P2RY8: variants seen among roughly 807,000 people sequenced by gnomAD.
The protein encoded by P2RY8 is S-geranylgeranyl-glutathione receptor P2RY8.
A neutral mutation model predicts 10.0 loss-of-function variants in P2RY8; 6 were observed. That is an observed-to-expected ratio of 0.60 (90% confidence interval 0.33 to 1.19). The LOEUF is 1.19. P2RY8 is among the 50% of genes most tolerant of loss of function. The pLI, the probability that P2RY8 is intolerant of heterozygous loss-of-function variation, is 0.04. For synonymous variants in P2RY8, 276 were observed against 252.5 expected (o/e 1.09, Z -0.88); for missense variants, 456 against 542.0 (o/e 0.84, Z 1.58).
At position 1,465,731 on chromosome X, in the gene P2RY8, C is replaced by G; in HGVS notation, c.828G>C (p.Lys276Asn). Residue 276 changes from lysine (K) to asparagine (N), a missense_variant, in exon 2 of 2, where the codon AAG becomes AAC. Transcript: ENST00000381297. ...FYGKSYYHVY[K>N]LTLCLSCLNN... ...TGAGGCAGCTGAGACACAGCGTGAGCTTGTACACGTGGTAGTAGCTCTTGC... is the reference window on the plus strand; with the variant it reads ...TGAGGCAGCTGAGACACAGCGTGAGGTTGTACACGTGGTAGTAGCTCTTGC... 6.2e-7 allele frequency: 1 copy of G among 1,613,736 alleles called. No homozygotes were observed. Among genetic ancestry groups the G allele is most frequent in the Non-Finnish European group, 8.5e-7 (1 of 1,179,848 alleles).
intron 1 of P2RY8, among the ~76,000 whole-genome samples, chrX:1,509,205 A>G (rs1316552452): frequency 2.1e-5 from 3 of 145,890 alleles, no homozygotes; most frequent in African/African-American, 5.3e-5. Context: ...CTATGTATCT[A>G]CCTATCTAGC....
intron 1 of P2RY8, among the ~76,000 whole-genome samples, chrX:1,536,706 A>T (rs1348184043): frequency 5.9e-5 from 9 of 152,092 alleles, no homozygotes; most frequent in Non-Finnish European, 1.2e-4. Context: ...GCCCTGGAAA[A>T]TTTGAGCATT....
chrX:1,503,528 G>A lies in P2RY8; in HGVS notation c.-25+33393C>T, dbSNP rs745526732. On this transcript the variant is annotated intron_variant, in intron 1 of 1. Coordinates refer to ENST00000381297, the MANE Select transcript of P2RY8 (RefSeq NM_178129.5). ...GTCATCCCAGCACTTCGGGAGGCCA[G>A]GGCGAGCAGATCACCTGAGGTCAGG... Among the ~76,000 whole-genome samples the A allele has an allele frequency of 1.1e-4, 16 of 152,132 alleles. No individual in the cohort carries two copies. In the South Asian group the frequency reaches 3.3e-3, roughly 32 times the overall value.
intron 1 of P2RY8, among the ~76,000 whole-genome samples, chrX:1,505,571 C>T (rs1409805576): frequency 2.0e-5 from 3 of 152,162 alleles, no homozygotes; most frequent in African/African-American, 7.2e-5. Context: ...GGGTCGATCA[C>T]CTGAGGTCAG....
chrX:1,481,392 G>A (rs1246942612), intron 1 of P2RY8, among the ~76,000 whole-genome samples: 1 of 152,090 alleles, frequency 6.6e-6, no homozygotes, highest in Non-Finnish European at 1.5e-5. Context: ...TTGAACTCCC[G>A]ACCTCAGGTG....
At chrX:1,501,718 C>T (rs1344143894) in intron 1 of P2RY8, among the ~76,000 whole-genome samples, 3 of 151,246 alleles carry the variant, frequency 2.0e-5, no homozygotes, top group African/African-American at 2.4e-5. Context: ...CTCAGCCTCC[C>T]GAGTAGCTGG....
In P2RY8 at chrX:1,466,286, G is replaced by A. The variant is rs1190393780; in HGVS notation, c.273C>T (p.Phe91=). ...TCACCACGTTGCAAAGCAGCACCCCGAATACCCAGTGGTGGCGGTTGCAAT... is the reference window on the plus strand; with the variant it reads ...TCACCACGTTGCAAAGCAGCACCCCAAATACCCAGTGGTGGCGGTTGCAAT... ...YYHCNRHHWV[F]GVLLCNVVTV... is the part of the protein sequence containing the mutation. The change falls in exon 2 of 2, where the codon TTC becomes TTT. Residue 91 remains phenylalanine, a synonymous_variant. Coordinates refer to ENST00000381297, the MANE Select transcript of P2RY8 (RefSeq NM_178129.5). 10 of 1,613,752 alleles carry A rather than the reference G, an allele frequency of 6.2e-6. No individual in the cohort carries two copies. Among genetic ancestry groups the A allele is most frequent in the Non-Finnish European group, 8.5e-6 (10 of 1,179,848 alleles).
At chrX:1,474,160 G>C (rs112107774) in intron 1 of P2RY8, among the ~76,000 whole-genome samples, 1 of 151,040 alleles carries the variant, frequency 6.6e-6, no homozygotes, top group Non-Finnish European at 1.5e-5. Context: ...GTAGATGGAT[G>C]GGTGGGTGTA....
At chrX:1,524,666 C>CATCT in intron 1 of P2RY8, among the ~76,000 whole-genome samples, 2 of 86,374 alleles carry the variant, frequency 2.3e-5, no homozygotes, top group African/African-American at 8.3e-5. Context: ...TCCATCCATC[C>CATCT]ATTCATCCAT....
intron 1 of P2RY8, among the ~76,000 whole-genome samples, chrX:1,466,999 C>T (rs2091693562): frequency 6.8e-6 from 1 of 147,756 alleles, no homozygotes; most frequent in South Asian, 2.2e-4. Flanking sequence ...CTGTGGCTCC[C>T]CTGGGCAGGT....
At position 1,486,880 on chromosome X, in the gene P2RY8, G is replaced by A. The variant is rs150865288; in HGVS notation, c.-24-20298C>T. 4.2e-3 allele frequency among the ~76,000 whole-genome samples: 647 copies of A among 152,272 alleles called. 22 individuals are homozygous for A. In the East Asian group the frequency reaches 0.074, roughly 18 times the overall value. On this transcript the variant is annotated intron_variant, in intron 1 of 1. Coordinates refer to ENST00000381297, the MANE Select transcript of P2RY8 (RefSeq NM_178129.5). Reference sequence around the variant, plus strand: ...GCTCCTGCAGTCTCAGTGCTCCCCCGCTTGTTGCTTGGGTCTTCCTGTCCC... The same window carrying A: ...GCTCCTGCAGTCTCAGTGCTCCCCCACTTGTTGCTTGGGTCTTCCTGTCCC...
rs2091680056 is a variant in P2RY8, at chrX:1,466,571, C to G, written c.-13G>C. 6.3e-7 allele frequency: 1 copy of G among 1,595,506 alleles called. No individual in the cohort carries two copies. The highest frequency in any genetic ancestry group is 8.5e-7 in the Non-Finnish European group (1 of 1,173,860). On this transcript the variant is annotated 5_prime_UTR_variant, in exon 2 of 2. Transcript: ENST00000381297. ...TCGGGACCTGCATCCTGGAGGGGTC[C>G]TCGCCCGGGCTCTGCAAGGGAAGGA...
chrX:1,465,443 C>G lies in P2RY8; in HGVS notation c.*36G>C. 1 of 1,561,304 alleles carries G rather than the reference C, an allele frequency of 6.4e-7. No individual in the cohort carries two copies. The highest frequency in any genetic ancestry group is 1.2e-5 in the South Asian group (1 of 83,444). On this transcript the variant is annotated 3_prime_UTR_variant, in exon 2 of 2. Coordinates refer to ENST00000381297, the MANE Select transcript of P2RY8 (RefSeq NM_178129.5). ...CTCCATGCGCCCCTGGATCTCCAAG[C>G]TGCGCCCCCGGCTCTCCAAGCTGCG...
At chrX:1,474,368 T>C (rs2091848391) in intron 1 of P2RY8, among the ~76,000 whole-genome samples, 1 of 113,856 alleles carries the variant, frequency 8.8e-6, no homozygotes, top group Non-Finnish European at 2.0e-5. Flanking sequence ...GATGGATGGA[T>C]GGATAAGTGG....
At position 1,492,432 on chromosome X, in the gene P2RY8, A is replaced by T. The variant is rs140443038; in HGVS notation, c.-24-25850T>A. On this transcript the variant is annotated intron_variant, in intron 1 of 1. Coordinates refer to ENST00000381297, the MANE Select transcript of P2RY8 (RefSeq NM_178129.5). ...TCTGCTCTGAAAAGATGGGGACCCCAGGCTACCAGAGACCCTCTTTCCATC... is the reference window on the plus strand; with the variant it reads ...TCTGCTCTGAAAAGATGGGGACCCCTGGCTACCAGAGACCCTCTTTCCATC... Among the ~76,000 whole-genome samples the T allele has an allele frequency of 1.7e-3, 254 of 152,252 alleles. 1 individual carries two copies. Among genetic ancestry groups the T allele is most frequent in the African/African-American group, 5.8e-3 (243 of 41,564 alleles).
intron 1 of P2RY8, among the ~76,000 whole-genome samples, chrX:1,523,637 C>T (rs1322724118): frequency 1.3e-5 from 2 of 152,048 alleles, no homozygotes; most frequent in South Asian, 2.1e-4. Flanking sequence ...ACACTCTGAA[C>T]GAGCTAAATA....
At chrX:1,483,882 C>A (rs765786110) in intron 1 of P2RY8, among the ~76,000 whole-genome samples, 15 of 151,480 alleles carry the variant, frequency 9.9e-5, no homozygotes, top group Non-Finnish European at 2.1e-4. Context: ...TGCCTTAGAC[C>A]AAAAGCTGGG....
At chrX:1,533,579 ATTATATAC>A (rs1286611783) in intron 1 of P2RY8, among the ~76,000 whole-genome samples, 10 of 4,632 alleles carry the variant, frequency 2.2e-3, no homozygotes, top group East Asian at 0.016. Context: ...ATTTAAATAT[ATTATATAC>A]TTATATATTT....
intron 1 of P2RY8, among the ~76,000 whole-genome samples, chrX:1,507,841 G>A (rs1285351355): frequency 6.6e-6 from 1 of 152,150 alleles, no homozygotes; most frequent in Non-Finnish European, 1.5e-5. Flanking sequence ...TTAGGTCATG[G>A]CATGGCCGTG....
Sources: allele counts gnomAD v4.1 joint callset (sites outside exome capture counted in the v4.1 genomes callset), GRCh38; gene constraint gnomAD v4.1.1; transcripts MANE v1.5; gene names NCBI Gene and HGNC (gene_info 2026-07-23, HGNC 2026-07-21).